Variants in PAAF1 observed in about 807,000 individuals in gnomAD.
PAAF1 encodes proteasomal ATPase-associated factor 1.
In PAAF1, 46 loss-of-function variants were observed where a neutral mutation model predicts 52.8. That is an observed-to-expected ratio of 0.87 (90% CI 0.69 to 1.11). PAAF1 has a LOEUF of 1.11. PAAF1 is among the 50% of genes most tolerant of loss of function. The probability of loss-of-function intolerance (pLI) is 0.00; values close to 1 mark genes in which losing one functional copy is unlikely to be tolerated. For synonymous variants in PAAF1, 178 were observed against 172.8 expected, an observed-to-expected ratio of 1.03 and a Z score of -0.24; for missense variants, 424 against 477.4, an observed-to-expected ratio of 0.89 and a Z score of 1.04.
At position 73,877,049 on chromosome 11, in the gene PAAF1, G is replaced by T; in HGVS notation, c.28G>T (p.Asp10Tyr). MAAPLRIQS[D>Y]WAQALRKDEG... The stretch of plus-strand genomic sequence containing the variant: ...GGCGGCGCCTTTGAGGATTCAGAGC[G>T]ACTGGGCGCAAGCCCTCAGGTGAAT... The change falls in exon 1 of 12, where the codon GAC becomes TAC. Residue 10 changes from aspartate to tyrosine, a missense_variant. Asp to Tyr is a radical substitution (Grantham distance 160). Transcript: ENST00000310571. 6.5e-7 allele frequency: 1 copy of T among 1,538,080 alleles called. No homozygotes were observed. Among genetic ancestry groups the T allele is most frequent in the Non-Finnish European group, 8.8e-7 (1 of 1,139,904 alleles).
chr11:73,922,280 C>T (rs1950240413), intron 10 of PAAF1: 4 of 540,958 alleles, frequency 7.4e-6, no homozygotes, highest in Non-Finnish European at 1.4e-5. Flanking sequence ...GCATAACTTC[C>T]AGTACTGATG....
At position 73,892,825 on chromosome 11, in the gene PAAF1, A is replaced by AT. The variant is rs1028523320; in HGVS notation, c.282+1632dup. 1.6e-4 allele frequency among the ~76,000 whole-genome samples: 24 copies of AT among 151,524 alleles called. 1 individual carries two copies. The highest frequency in any genetic ancestry group is 1.5e-3 in the South Asian group (7 of 4,790). ...AGGTGCCTGCCACCACGCCCGGCTA[A>AT]TTTTTTTTGTATTTTTAGTAGAGAC... is the stretch of plus-strand genomic sequence containing the variant. On this transcript the variant is annotated intron_variant, in intron 4 of 11. Transcript: ENST00000310571.
Position 73,922,335 on chromosome 11 carries a change from C to T in PAAF1, c.1019-2280C>T, listed in dbSNP as rs144331277. The stretch of plus-strand genomic sequence containing the variant: ...AGATTATAACTCTGTTTTCAGAGGA[C>T]AAAACTAAGACCAATAAGAGAAAGT... On this transcript the variant is annotated intron_variant, in intron 10 of 11. Coordinates refer to ENST00000310571, the MANE Select transcript of PAAF1 (RefSeq NM_025155.3). 6.5e-4 allele frequency: 238 copies of T among 366,246 alleles called. 3 individuals are homozygous for T. The highest frequency in any genetic ancestry group is 4.7e-3 in the African/African-American group (223 of 47,230). 22.7% of individuals were successfully genotyped at this position (366,246 alleles called of 1,614,324 possible).
At chr11:73,880,410 A>G (rs1948860006) in intron 2 of PAAF1, 1 of 150,842 alleles carries the variant, frequency 6.6e-6, no homozygotes, top group East Asian at 1.9e-4. Context: ...CAAAAATCCT[A>G]TTCTAACTGC....
intron 3 of PAAF1, chr11:73,889,156 T>A (rs1322099636): frequency 6.6e-7 from 1 of 1,522,428 alleles, no homozygotes; most frequent in Admixed American, 2.0e-5. Context: ...GACTTCTTTC[T>A]TCCCTTCATA....
intron 2 of PAAF1, among the ~76,000 whole-genome samples, chr11:73,883,950 G>A (rs1948987596): frequency 1.3e-5 from 2 of 152,154 alleles, no homozygotes; most frequent in African/African-American, 4.8e-5. Context: ...CTATTATGAA[G>A]GAAGGAGATT....
intron 3 of PAAF1, among the ~76,000 whole-genome samples, chr11:73,888,587 T>C (rs538373571): frequency 6.6e-6 from 1 of 152,234 alleles, no homozygotes; most frequent in African/African-American, 2.4e-5. Context: ...TTTTTAGTTA[T>C]AAAAAATATT....
rs963704207 is a variant in PAAF1, at chr11:73,888,091, A to G, written c.192+634A>G. Among the ~76,000 whole-genome samples, 6 of 152,202 alleles carry G rather than the reference A, an allele frequency of 3.9e-5. 1 individual carries two copies. The highest frequency in any genetic ancestry group is 1.2e-4 in the African/African-American group (5 of 41,468). ...ATATTTGATCTAACCCAGTATATCTAAAACATTATTTCAACCTGTAAATAA... is the reference window on the plus strand; with the variant it reads ...ATATTTGATCTAACCCAGTATATCTGAAACATTATTTCAACCTGTAAATAA... On this transcript the variant is annotated intron_variant, in intron 3 of 11. Coordinates refer to ENST00000310571, the MANE Select transcript of PAAF1 (RefSeq NM_025155.3).
intron 4 of PAAF1, among the ~76,000 whole-genome samples, 171 bp downstream of exon 4, chr11:73,891,372 A>AG (rs1420848576): frequency 1.3e-5 from 2 of 152,218 alleles, no homozygotes; most frequent in African/African-American, 4.8e-5. Context: ...CTGGTACTCT[A>AG]GTCCACATAG....
chr11:73,893,357 T>TA (rs780757229), intron 4 of PAAF1, among the ~76,000 whole-genome samples: 6 of 152,220 alleles, frequency 3.9e-5, no homozygotes, highest in Non-Finnish European at 7.3e-5. Context: ...TAATGCCAGT[T>TA]ATATTATTTT....
intron 2 of PAAF1, among the ~76,000 whole-genome samples, chr11:73,882,910 A>AT (rs1373556682): frequency 6.7e-6 from 1 of 149,864 alleles, no homozygotes; most frequent in Non-Finnish European, 1.5e-5. Flanking sequence ...GCCTGTTCTT[A>AT]TTTTTTTGAG....
chr11:73,920,175 A>G (rs1227331209), intron 10 of PAAF1, among the ~76,000 whole-genome samples: 2 of 152,160 alleles, frequency 1.3e-5, no homozygotes, highest in African/African-American at 4.8e-5. Flanking sequence ...ATTATCTTTA[A>G]CTAACTTTTC....
rs1347463275 is a variant in PAAF1, at chr11:73,900,270, A to G, written c.382A>G (p.Arg128Gly). The change falls in exon 6 of 12, where the codon AGA becomes GGA. Residue 128 changes from arginine (R) to glycine (G), a missense_variant and splice_region_variant. Physicochemically the swap from Arg to Gly is moderately radical, Grantham distance 125. Coordinates refer to ENST00000310571, the MANE Select transcript of PAAF1 (RefSeq NM_025155.3). ...IWQASNGELRRVLEGHVFDVN... is the reference protein window; with the variant it reads ...IWQASNGELRGVLEGHVFDVN... ...ATGGAATTTTCTTTTGTTTTTCCAG[A>G]GAGTATTGGAAGGACATGTGTTTGA... 3 of 1,586,984 alleles carry G rather than the reference A, an allele frequency of 1.9e-6. No homozygotes were observed. The highest frequency in any genetic ancestry group is 2.6e-6 in the Non-Finnish European group (3 of 1,162,112).
chr11:73,921,866 G>A, intron 10 of PAAF1: 1 of 1,123,424 alleles, frequency 8.9e-7, no homozygotes, highest in Non-Finnish European at 1.3e-6. Flanking sequence ...GGAAAACCAG[G>A]TTCTCCAGGA....
chr11:73,914,373 T>G (rs1463466421), intron 7 of PAAF1, 40 bp from the exon 8 acceptor site: 10 of 1,577,402 alleles, frequency 6.3e-6, no homozygotes, highest in Middle Eastern at 1.7e-4. Flanking sequence ...TACCAGCTGA[T>G]CAGCCTCACT....
intron 2 of PAAF1, among the ~76,000 whole-genome samples, chr11:73,884,752 T>C (rs979791988): frequency 6.6e-6 from 1 of 152,242 alleles, no homozygotes; most frequent in Non-Finnish European, 1.5e-5. Flanking sequence ...CCCTAGACTT[T>C]GAGTTTCTCT....
intron 7 of PAAF1, among the ~76,000 whole-genome samples, chr11:73,911,391 C>A (rs1277730019): frequency 6.6e-6 from 1 of 152,104 alleles, no homozygotes; most frequent in Non-Finnish European, 1.5e-5. Context: ...CTATGTTGCC[C>A]AGGCTGGTGT....
chr11:73,877,684 G>C (rs138808072), intron 1 of PAAF1, among the ~76,000 whole-genome samples: 1 of 152,240 alleles, frequency 6.6e-6, no homozygotes, highest in African/African-American at 2.4e-5. Context: ...TCAGAAGTTC[G>C]AGACCAGCCT....
intron 4 of PAAF1, among the ~76,000 whole-genome samples, chr11:73,894,794 A>G (rs1453136707): frequency 2.6e-5 from 4 of 152,196 alleles, no homozygotes; most frequent in East Asian, 1.9e-4. Flanking sequence ...ACTGCACTCC[A>G]GCCTGTGTTA....
Sources: allele counts gnomAD v4.1 joint callset (sites outside exome capture counted in the v4.1 genomes callset), GRCh38; gene constraint gnomAD v4.1.1; transcripts MANE v1.5; gene names NCBI Gene and HGNC (gene_info 2026-07-23, HGNC 2026-07-21).